DSCAML1: variants seen among roughly 807,000 people sequenced by gnomAD.
DSCAML1 encodes the protein DS cell adhesion molecule like 1.
DSCAML1 carries 38 observed loss-of-function variants against 200.5 expected under a neutral mutation model. The observed-to-expected ratio is 0.19, with a 90% CI of 0.15 to 0.25. DSCAML1 has a LOEUF of 0.25. Among genes scored for constraint, DSCAML1 ranks in the 10% least tolerant of loss-of-function variants. The pLI, the probability that DSCAML1 is intolerant of heterozygous loss-of-function variation, is 1.00. For synonymous variants in DSCAML1, 1,215 were observed against 1,165.0 expected, an observed-to-expected ratio of 1.04 and a Z score of -0.87; for missense variants, 2,223 against 2,858.8, an observed-to-expected ratio of 0.78 and a Z score of 5.07.
At chr11:117,601,255 C>G (rs1367753383) in intron 3 of DSCAML1, among the ~76,000 whole-genome samples, 1 of 149,450 alleles carries the variant, frequency 6.7e-6, no homozygotes. Context: ...TCCTCAGAAA[C>G]AGAGAGACAA....
chr11:117,446,830 C>T (rs961269977), intron 20 of DSCAML1, among the ~76,000 whole-genome samples: 16 of 152,084 alleles, frequency 1.1e-4, no homozygotes, highest in Non-Finnish European at 2.9e-5. Context: ...CCCAGGAATT[C>T]CTATAGAAAT....
At chr11:117,800,067 A>G (rs1338680616), upstream of DSCAML1, among the ~76,000 whole-genome samples, 1 of 152,248 alleles carries the variant, frequency 6.6e-6, no homozygotes, top group African/African-American at 2.4e-5. Flanking sequence ...CTAACAAAAG[A>G]AGGACCTGAA....
intron 3 of DSCAML1, among the ~76,000 whole-genome samples, chr11:117,744,968 G>A (rs1483778619): frequency 1.3e-5 from 2 of 152,216 alleles, no homozygotes; most frequent in Non-Finnish European, 2.9e-5. Context: ...CAGAGGGTAG[G>A]TGGCCAGGAC....
chr11:117,439,715 C>T, intron 22 of DSCAML1, 104 bp downstream of exon 22: 1 of 1,142,328 alleles, frequency 8.8e-7, no homozygotes, highest in East Asian at 2.3e-5. Context: ...GGCCTGGAGG[C>T]AACCGGGTCA....
intron 3 of DSCAML1, among the ~76,000 whole-genome samples, chr11:117,731,597 G>A (rs1168485522): frequency 6.6e-6 from 1 of 152,162 alleles, no homozygotes; most frequent in East Asian, 1.9e-4. Context: ...GATCCCCCCA[G>A]AAGCTGGGCA....
intron 11 of DSCAML1, among the ~76,000 whole-genome samples, chr11:117,485,700 C>T (rs1278433068): frequency 1.3e-5 from 2 of 152,228 alleles, no homozygotes; most frequent in South Asian, 2.1e-4. Context: ...AAACGTGTGA[C>T]GTGCAACATA....
At chr11:117,554,178 T>C (rs192224033) in intron 3 of DSCAML1, among the ~76,000 whole-genome samples, 160 of 152,268 alleles carry the variant, frequency 1.1e-3, no homozygotes, top group Non-Finnish European at 1.7e-3. Flanking sequence ...CTATTGCTCA[T>C]AGTGGGTCCA....
At chr11:117,745,685 CA>C (rs1344457134) in intron 3 of DSCAML1, among the ~76,000 whole-genome samples, 3 of 152,314 alleles carry the variant, frequency 2.0e-5, no homozygotes, top group Non-Finnish European at 4.4e-5. Context: ...AGTTCTTGAA[CA>C]GCTTATCTGC....
At chr11:117,599,915 G>C (rs1488950757) in intron 3 of DSCAML1, among the ~76,000 whole-genome samples, 1 of 152,196 alleles carries the variant, frequency 6.6e-6, no homozygotes, top group South Asian at 2.1e-4. Flanking sequence ...CATTCCCAGA[G>C]GGAGGTGGAA....
intron 20 of DSCAML1, among the ~76,000 whole-genome samples, chr11:117,445,854 C>A (rs1395920601): frequency 6.6e-6 from 1 of 152,106 alleles, no homozygotes; most frequent in Non-Finnish European, 1.5e-5. Context: ...CTGGACACCC[C>A]GTGAGTCTCC....
chr11:117,526,782 C>G (rs1004653811), intron 4 of DSCAML1, among the ~76,000 whole-genome samples: 5 of 152,202 alleles, frequency 3.3e-5, no homozygotes, highest in Admixed American at 2.6e-4. Context: ...TCCCAAAGTG[C>G]TGAGATTACA....
chr11:117,499,602 C>G (rs1480067082), intron 11 of DSCAML1, among the ~76,000 whole-genome samples: 1 of 152,226 alleles, frequency 6.6e-6, no homozygotes, highest in Non-Finnish European at 1.5e-5. Context: ...GATCTAATCT[C>G]TGACGTTCTG....
At chr11:117,584,518 C>T (rs2051107125) in intron 3 of DSCAML1, among the ~76,000 whole-genome samples, 1 of 152,218 alleles carries the variant, frequency 6.6e-6, no homozygotes, top group African/African-American at 2.4e-5. Flanking sequence ...GGCATCAACA[C>T]TTGCTCGGCA....
intron 6 of DSCAML1, among the ~76,000 whole-genome samples, chr11:117,519,233 C>A (rs765953373): frequency 6.6e-6 from 1 of 152,188 alleles, no homozygotes; most frequent in Non-Finnish European, 1.5e-5. Flanking sequence ...CATATGGAAC[C>A]GCCTGGCCCT....
chr11:117,675,438 C>T (rs1242989888), intron 3 of DSCAML1, among the ~76,000 whole-genome samples: 1 of 149,282 alleles, frequency 6.7e-6, no homozygotes, highest in Non-Finnish European at 1.5e-5. Flanking sequence ...GCTGGGACAA[C>T]AGGCGTGTGC....
chr11:117,808,326 C>A (rs938024010), intron 1 of DSCAML1, among the ~76,000 whole-genome samples: 1 of 152,202 alleles, frequency 6.6e-6, no homozygotes, highest in African/African-American at 2.4e-5. Flanking sequence ...CCGACACATT[C>A]CTATGGGTCA....
chr11:117,461,890 C>T (rs1353289540), intron 17 of DSCAML1, among the ~76,000 whole-genome samples: 2 of 152,178 alleles, frequency 1.3e-5, no homozygotes, highest in Non-Finnish European at 2.9e-5. Flanking sequence ...AGGTGAGGAA[C>T]TCTGGGCACG....
rs539426399 is a variant in DSCAML1, at chr11:117,564,470, C to T, written c.512-31948G>A. Among the ~76,000 whole-genome samples the T allele has an allele frequency of 4.6e-5, 7 of 152,272 alleles. No individual in the cohort carries two copies. In the East Asian group the frequency reaches 5.8e-4, roughly 13 times the overall value. On this transcript the variant is annotated intron_variant, in intron 3 of 32. Coordinates refer to ENST00000651296, the MANE Select transcript of DSCAML1 (RefSeq NM_020693.4). ...CGCAATCAATAGGCCTTGCAGGTCC[C>T]GGCGATTCTCCTGCTGCAGCTGCTC...
At chr11:117,761,814 T>C (rs544869800) in intron 3 of DSCAML1, among the ~76,000 whole-genome samples, 119 of 152,332 alleles carry the variant, frequency 7.8e-4, no homozygotes, top group African/African-American at 2.8e-3. Context: ...GAGGCTGCAG[T>C]GAGCTGAGAC....
Sources: allele counts gnomAD v4.1 joint callset (sites outside exome capture counted in the v4.1 genomes callset), GRCh38; gene constraint gnomAD v4.1.1; transcripts MANE v1.5; gene names NCBI Gene and HGNC (gene_info 2026-07-23, HGNC 2026-07-21).